TMEM65: variants seen among roughly 807,000 people sequenced by gnomAD.
The protein encoded by TMEM65 is transmembrane protein 65.
A neutral mutation model predicts 25.4 loss-of-function variants in TMEM65; 22 were observed. The ratio of observed to expected loss-of-function variants is 0.86; its 90% CI spans 0.62 to 1.23. The LOEUF is 1.23. Among genes scored for constraint, TMEM65 ranks in the 50% most tolerant of loss-of-function variants. The probability of loss-of-function intolerance (pLI) is 0.00; values close to 1 mark genes in which losing one functional copy is unlikely to be tolerated. For synonymous variants in TMEM65, 132 were observed against 126.2 expected, an observed-to-expected ratio of 1.05 and a Z score of -0.31; for missense variants, 262 against 308.2, an observed-to-expected ratio of 0.85 and a Z score of 1.12.
chr8:124,340,853 T>G (rs761555309), intron 1 of TMEM65, among the ~76,000 whole-genome samples: 21 of 152,132 alleles, frequency 1.4e-4, no homozygotes, highest in Non-Finnish European at 2.9e-4. Flanking sequence ...AGATAACATT[T>G]TGCTTCTTCT....
intron 1 of TMEM65, among the ~76,000 whole-genome samples, chr8:124,338,086 T>C (rs1814533881): frequency 6.6e-6 from 1 of 152,042 alleles, no homozygotes; most frequent in African/African-American, 2.4e-5. Flanking sequence ...AATAAATGTT[T>C]TGACGTATTG....
intron 6 of TMEM65, among the ~76,000 whole-genome samples, chr8:124,315,323 T>A (rs1041535131): frequency 2.7e-5 from 4 of 149,590 alleles, no homozygotes; most frequent in Admixed American, 2.0e-4. Flanking sequence ...AGTTTTTTTT[T>A]TGTTTGTTTT....
chr8:124,353,105 T>C (rs7014018), intron 1 of TMEM65, among the ~76,000 whole-genome samples: 136,583 of 151,810 alleles, frequency 0.9, 61,560 homozygotes, highest in East Asian at 1. Flanking sequence ...CCAGCCTAGG[T>C]GACAGAGGGA....
At chr8:124,352,182 T>G (rs184489273) in intron 1 of TMEM65, among the ~76,000 whole-genome samples, 17 of 152,354 alleles carry the variant, frequency 1.1e-4, no homozygotes, top group Admixed American at 9.1e-4. Context: ...TTTATACAAT[T>G]ACTGAAAGTT....
chr8:124,370,799 G>A (rs1815001974), intron 1 of TMEM65, among the ~76,000 whole-genome samples: 1 of 152,220 alleles, frequency 6.6e-6, no homozygotes, highest in African/African-American at 2.4e-5. Flanking sequence ...CCGAATCAAT[G>A]TGCTCTACAC....
At chr8:124,350,524 T>C (rs1586469236) in intron 1 of TMEM65, among the ~76,000 whole-genome samples, 1 of 151,578 alleles carries the variant, frequency 6.6e-6, no homozygotes, top group South Asian at 2.1e-4. Context: ...CACCGTAGCA[T>C]GTAACCTGAG....
rs970485558 is a variant in TMEM65, at chr8:124,365,024, T to C, written c.304+6830A>G. Reference sequence around the variant, plus strand: ...ACAATCTCCACTAATAATGGCAAAATATCACATCATCTCAAACTTTCAAGA... The same window carrying C: ...ACAATCTCCACTAATAATGGCAAAACATCACATCATCTCAAACTTTCAAGA... On this transcript the variant is annotated intron_variant, in intron 1 of 6. Transcript: ENST00000297632. 3.9e-5 allele frequency among the ~76,000 whole-genome samples: 6 copies of C among 152,190 alleles called. No individual in the cohort carries two copies. In the South Asian group the frequency reaches 1.2e-3, roughly 32 times the overall value.
At chr8:124,371,771 G>C in intron 1 of TMEM65, 83 bp downstream of exon 1, 2 of 1,358,944 alleles carry the variant, frequency 1.5e-6, no homozygotes, top group Non-Finnish European at 1.9e-6. Flanking sequence ...CCAAGATCCA[G>C]GGCCGCAGCG....
At chr8:124,315,629 A>G (rs767276599) in intron 6 of TMEM65, among the ~76,000 whole-genome samples, 2 of 152,094 alleles carry the variant, frequency 1.3e-5, no homozygotes, top group Non-Finnish European at 2.9e-5. Flanking sequence ...CCCACATCCT[A>G]CAGTTTTTCT....
chr8:124,350,289 A>G (rs1814691056), intron 1 of TMEM65, among the ~76,000 whole-genome samples: 1 of 152,114 alleles, frequency 6.6e-6, no homozygotes, highest in East Asian at 1.9e-4. Context: ...ATTGGTCCAC[A>G]AAATATTTCA....
intron 1 of TMEM65, among the ~76,000 whole-genome samples, chr8:124,348,844 G>A (rs1563596613): frequency 6.6e-6 from 1 of 152,182 alleles, no homozygotes; most frequent in East Asian, 1.9e-4. Context: ...TCAATATGAA[G>A]TGGTCCCTCC....
At chr8:124,317,515 G>C (rs1814253775) in intron 6 of TMEM65, among the ~76,000 whole-genome samples, 1 of 151,972 alleles carries the variant, frequency 6.6e-6, no homozygotes, top group African/African-American at 2.4e-5. Flanking sequence ...ATTTTCTCTG[G>C]AACAACAGTT....
In TMEM65 at chr8:124,372,189, G is replaced by C; in HGVS notation, c.-32C>G. 8.0e-7 allele frequency: 1 copy of C among 1,251,028 alleles called. No individual in the cohort carries two copies. Among genetic ancestry groups the C allele is most frequent in the South Asian group, 1.6e-5 (1 of 62,338 alleles). The allele number at this position is 1,251,028 out of a possible 1,614,324, so 77.5% of individuals were successfully genotyped here. A position where few individuals can be genotyped will look rare whatever the true frequency, so the allele number is the denominator to read the frequency against. On this transcript the variant is annotated 5_prime_UTR_variant, in exon 1 of 7. Coordinates refer to ENST00000297632, the MANE Select transcript of TMEM65 (RefSeq NM_194291.3). ...CTGAGGAGCTGGGACCCCCGCGGCC[G>C]TCCGGCAAGGCGGTTTCTGGCGCGG... is the stretch of plus-strand genomic sequence containing the variant.
rs377714284 is a variant in TMEM65 at position 124,371,821 on chromosome 8, C to A, written c.304+33G>T. 2.1e-3 allele frequency: 3,161 copies of A among 1,486,122 alleles called. 10 individuals are homozygous for A. Among genetic ancestry groups the A allele is most frequent in the Non-Finnish European group, 2.6e-3 (2,936 of 1,122,618 alleles). The allele number at this position is 1,486,122 out of a possible 1,614,324, so 92.1% of individuals were successfully genotyped here. A position where few individuals can be genotyped will look rare whatever the true frequency, so the allele number is the denominator to read the frequency against. ...TGGCGAGAAGAGGAGGGCGTCGGGGCCCCCGGGCTCGCCCCCCACCTGCCC... is the reference window on the plus strand; with the variant it reads ...TGGCGAGAAGAGGAGGGCGTCGGGGACCCCGGGCTCGCCCCCCACCTGCCC... On this transcript the variant is annotated intron_variant, in intron 1 of 6. Coordinates refer to ENST00000297632, the MANE Select transcript of TMEM65 (RefSeq NM_194291.3).
At chr8:124,316,623 G>A (rs1396103401) in intron 6 of TMEM65, among the ~76,000 whole-genome samples, 1 of 152,066 alleles carries the variant, frequency 6.6e-6, no homozygotes, top group East Asian at 1.9e-4. Flanking sequence ...ACTCAATATA[G>A]TAATACTAGT....
chr8:124,308,932 A>G lies in TMEM65; in HGVS notation c.*5028T>C, dbSNP rs1011777097. 5.9e-5 allele frequency: 9 copies of G among 152,228 alleles called. No individual in the cohort carries two copies. Among genetic ancestry groups the G allele is most frequent in the African/African-American group, 2.2e-4 (9 of 41,450 alleles). The allele number at this position is 152,228 out of a possible 1,614,324, so 9.4% of individuals were successfully genotyped here. On this transcript the variant is annotated 3_prime_UTR_variant, in exon 7 of 7. Coordinates refer to ENST00000297632, the MANE Select transcript of TMEM65 (RefSeq NM_194291.3). ...CAGACAGAAGTTACAATGCATTTTC[A>G]TAATTACACGTAGTGTGCCTGCCTT... is the stretch of plus-strand genomic sequence containing the variant.
chr8:124,320,080 A>G lies in TMEM65; in HGVS notation c.621+6T>C. The G allele has an allele frequency of 1.9e-6, 3 of 1,608,542 alleles. No homozygotes were observed. Among genetic ancestry groups the G allele is most frequent in the South Asian group, 2.2e-5 (2 of 90,906 alleles). On this transcript the variant is annotated splice_donor_region_variant and intron_variant, in intron 6 of 6. Transcript: ENST00000297632. ...CTCATTATCATAAACCATGTAAATT[A>G]CTTACCAAATGTGTACTAAGACGTG...
chr8:124,335,313 A>G (rs1462408666), intron 1 of TMEM65, among the ~76,000 whole-genome samples: 1 of 152,204 alleles, frequency 6.6e-6, no homozygotes, highest in Non-Finnish European at 1.5e-5. Context: ...TGAAGCTATA[A>G]GAATGTGTTA....
Position 124,348,007 on chromosome 8 carries a change from C to G in TMEM65, c.305-17215G>C, listed in dbSNP as rs529772647. Among the ~76,000 whole-genome samples the G allele has an allele frequency of 9.9e-5, 15 of 151,734 alleles. 1 individual carries two copies. The highest frequency in any genetic ancestry group is 2.1e-4 in the Non-Finnish European group (14 of 67,974). ...CCAGGTTCAAGCGATTCTCCTGCCTCGGTGTCCCGAGAAGCTGGGGTTACA... is the reference window on the plus strand; with the variant it reads ...CCAGGTTCAAGCGATTCTCCTGCCTGGGTGTCCCGAGAAGCTGGGGTTACA... On this transcript the variant is annotated intron_variant, in intron 1 of 6. Transcript: ENST00000297632.
Sources: gnomAD v4.1 joint callset for allele counts (sites outside exome capture counted in the v4.1 genomes callset) on GRCh38, gnomAD v4.1.1 for gene constraint, MANE v1.5 for transcripts, NCBI Gene and HGNC (gene_info 2026-07-23, HGNC 2026-07-21) for gene names.